The following TTC23L variants were observed in gnomAD, a reference collection of about 807,000 sequenced individuals.
TTC23L encodes the protein tetratricopeptide repeat domain 23 like, also known as tetratricopeptide repeat protein 23-like.
A neutral mutation model predicts 48.1 loss-of-function variants in TTC23L; 42 were observed. The observed-to-expected ratio is 0.87, with a 90% CI of 0.68 to 1.13. The LOEUF (loss-of-function observed/expected upper bound fraction) is 1.13. Ranked by LOEUF, TTC23L falls within the 50% of genes most tolerant of loss-of-function variation. The pLI, the probability that TTC23L is intolerant of heterozygous loss-of-function variation, is 0.00. For synonymous variants in TTC23L, 159 were observed against 157.2 expected (o/e 1.01, Z -0.09); for missense variants, 391 against 421.0 (o/e 0.93, Z 0.62).
chr5:34,846,793 C>T (rs1206061096), intron 3 of TTC23L, among the ~76,000 whole-genome samples: 2 of 150,670 alleles, frequency 1.3e-5, no homozygotes, highest in African/African-American at 4.9e-5. Flanking sequence ...AACAGGTAGG[C>T]AGGCAGGTCT....
chr5:34,869,238 T>G (rs939936632), intron 8 of TTC23L: 2 of 447,516 alleles, frequency 4.5e-6, no homozygotes, highest in Non-Finnish European at 4.2e-6. Context: ...TTCTACATCC[T>G]CTATTTATTT....
At chr5:34,922,998 T>C in the TTC23L span, 2 of 1,520,700 alleles carry the variant, frequency 1.3e-6, no homozygotes, top group Admixed American at 3.4e-5. Flanking sequence ...CTTATTTTTA[T>C]AGGCTTTTGA....
At chr5:34,891,139 T>C (rs553357446) in intron 9 of TTC23L, among the ~76,000 whole-genome samples, 20 of 152,188 alleles carry the variant, frequency 1.3e-4, no homozygotes, top group Non-Finnish European at 2.6e-4. Flanking sequence ...ATAGTAATAA[T>C]AACAATTCTC....
chr5:34,880,461 G>A (rs4607337), intron 9 of TTC23L, 153 bp downstream of exon 9: 11,964 of 849,724 alleles, frequency 0.014, 239 homozygotes, highest in African/African-American at 0.081. Context: ...AGCATTAACC[G>A]AATTATTTTT....
chr5:34,902,873 G>C, downstream of TTC23L, among the ~76,000 whole-genome samples: 1 of 151,538 alleles, frequency 6.6e-6, no homozygotes, highest in Non-Finnish European at 1.5e-5. Context: ...TTCTTCCCCA[G>C]AATATTCTGA....
At chr5:34,840,609 A>G in intron 1 of TTC23L, 56 bp from the exon 2 acceptor site, 1 of 1,488,196 alleles carries the variant, frequency 6.7e-7, no homozygotes, top group Non-Finnish European at 9.4e-7. Context: ...GAGGGGGAAA[A>G]TAGAACAGAC....
At chr5:34,888,540 G>A (rs62356980) in intron 9 of TTC23L, 138,086 of 984,052 alleles carry the variant, frequency 0.14, 10,215 homozygotes, top group South Asian at 0.21. Context: ...TGGCAGAGGT[G>A]AGTTCTGGCC....
chr5:34,885,820 G>A (rs1421843104), intron 9 of TTC23L, among the ~76,000 whole-genome samples: 1 of 152,052 alleles, frequency 6.6e-6, no homozygotes, highest in African/African-American at 2.4e-5. Flanking sequence ...AAAAATATGT[G>A]TGTGTATGCA....
chr5:34,925,056 T>C, the TTC23L span: 1 of 1,524,918 alleles, frequency 6.6e-7, no homozygotes, highest in South Asian at 1.3e-5. Flanking sequence ...ATTGCTGTTT[T>C]ATTACCTGTG....
the TTC23L span, chr5:34,911,712 T>G: frequency 2.5e-6 from 4 of 1,614,130 alleles, no homozygotes; most frequent in East Asian, 2.2e-5. Flanking sequence ...CAGGTTCCTG[T>G]GTATTGATTT....
intron 8 of TTC23L, among the ~76,000 whole-genome samples, chr5:34,875,392 T>G (rs1242563733): frequency 6.6e-6 from 1 of 152,158 alleles, no homozygotes; most frequent in African/African-American, 2.4e-5. Flanking sequence ...ATAGGCCATC[T>G]TCAAGCTGAG....
At chr5:34,846,128 G>C (rs1759106668) in intron 3 of TTC23L, among the ~76,000 whole-genome samples, 1 of 152,124 alleles carries the variant, frequency 6.6e-6, no homozygotes, top group South Asian at 2.1e-4. Context: ...AGGCCACAGG[G>C]AGCCCGTGAT....
chr5:34,884,519 CACAT>C lies in TTC23L; in HGVS notation c.1077+4215_1077+4218del, dbSNP rs1203759044. On this transcript the variant is annotated intron_variant, in intron 9 of 10. Transcript: ENST00000505624. ...ATGTTATGTAGAAAACCCTAATGATCACATACACACACACACACACACACAAACA... is the reference window on the plus strand; with the variant it reads ...ATGTTATGTAGAAAACCCTAATGATCACACACACACACACACACACAAACA... 5.9e-5 allele frequency among the ~76,000 whole-genome samples: 9 copies of C among 151,686 alleles called. No individual in the cohort carries two copies. In the East Asian group the frequency reaches 1.7e-3, roughly 29 times the overall value.
chr5:34,889,328 G>C (rs954274167), intron 9 of TTC23L, among the ~76,000 whole-genome samples: 7 of 151,422 alleles, frequency 4.6e-5, no homozygotes, highest in Admixed American at 6.6e-5. Context: ...ACTCAAATAA[G>C]TGTGACTCTA....
chr5:34,877,806 A>G (rs1305384433), intron 8 of TTC23L, among the ~76,000 whole-genome samples: 4 of 152,206 alleles, frequency 2.6e-5, no homozygotes, highest in African/African-American at 9.6e-5. Flanking sequence ...ACTCCTTTTC[A>G]GCATCATAAT....
At chr5:34,845,462 A>T in intron 2 of TTC23L, 25 bp from the exon 3 acceptor site, 1 of 1,602,012 alleles carries the variant, frequency 6.2e-7, no homozygotes, top group Non-Finnish European at 8.5e-7. Context: ...TAAATCCTGA[A>T]TCCTTGCCTC....
intron 9 of TTC23L, among the ~76,000 whole-genome samples, chr5:34,887,114 T>C (rs1293000506): frequency 6.6e-6 from 1 of 152,206 alleles, no homozygotes; most frequent in Non-Finnish European, 1.5e-5. Context: ...TCAGAAGCAG[T>C]CTACATCAGG....
chr5:34,840,935 C>G (rs6451174), intron 2 of TTC23L, among the ~76,000 whole-genome samples, 196 bp downstream of exon 2: 7 of 151,920 alleles, frequency 4.6e-5, no homozygotes, highest in Non-Finnish European at 7.4e-5. Context: ...GTAATCCCAG[C>G]TACTCGGGAG....
the TTC23L span, chr5:34,911,784 G>GTC: frequency 6.2e-7 from 1 of 1,614,132 alleles, no homozygotes; most frequent in South Asian, 1.1e-5. Flanking sequence ...CATAACCTTG[G>GTC]TAACACATTC....
Sources: allele counts gnomAD v4.1 joint callset (sites outside exome capture counted in the v4.1 genomes callset), GRCh38; gene constraint gnomAD v4.1.1; transcripts MANE v1.5; gene names NCBI Gene and HGNC (gene_info 2026-07-23, HGNC 2026-07-21).